The following IFNAR2 variants were observed in gnomAD, a reference collection of about 807,000 sequenced individuals.
The protein encoded by IFNAR2 is interferon alpha and beta receptor subunit 2, also known as interferon alpha/beta receptor 2.
Under a neutral mutation model 49.4 loss-of-function variants are expected in IFNAR2, and 30 were observed. The ratio of observed to expected loss-of-function variants is 0.61; its 90% CI spans 0.45 to 0.82. The LOEUF is 0.82. Among genes scored for constraint, IFNAR2 ranks in the 40% least tolerant of loss-of-function variants. IFNAR2 has a pLI of 0.00. For missense variants in IFNAR2, 600 were observed against 622.7 expected (o/e 0.96, Z 0.39); for synonymous variants, 224 against 234.5 (o/e 0.96, Z 0.41).
intron 6 of IFNAR2, among the ~76,000 whole-genome samples, chr21:33,250,472 T>C (rs1315585775): frequency 6.6e-6 from 1 of 152,176 alleles, no homozygotes; most frequent in African/African-American, 2.4e-5. Flanking sequence ...TGGTGGTGGC[T>C]TGGACCTTGA....
Position 33,230,159 on chromosome 21 carries a change from G to T in IFNAR2, c.-141G>T, listed in dbSNP as rs1985928573. On this transcript the variant is annotated 5_prime_UTR_variant, in exon 1 of 9. Transcript: ENST00000342136. The surrounding 1 kb of genome is among the most constrained non-coding windows in gnomAD (Gnocchi z 5.5). ...CGCGAGCGTCGGGTCCCAGAGCCGG[G>T]CGCGGCTGGGGCCCGAGGCTAGCAT... 2.0e-6 allele frequency: 2 copies of T among 999,612 alleles called. No homozygotes were observed. The highest frequency in any genetic ancestry group is 6.1e-5 in the Admixed American group (1 of 16,358). 61.9% of individuals were successfully genotyped at this position (999,612 alleles called of 1,614,324 possible).
At chr21:33,239,241 G>A (rs1403645466) in intron 1 of IFNAR2, among the ~76,000 whole-genome samples, 5 of 152,110 alleles carry the variant, frequency 3.3e-5, no homozygotes, top group East Asian at 3.9e-4. Context: ...TATGGCTTCT[G>A]GTTGTGTTCA....
Position 33,230,479 on chromosome 21 carries a change from C to A in IFNAR2, c.-84+263C>A, listed in dbSNP as rs1470810010. On this transcript the variant is annotated intron_variant, in intron 1 of 8. Coordinates refer to ENST00000342136, the MANE Select transcript of IFNAR2 (RefSeq NM_001289125.3). This position sits in a 1 kb window ranked among gnomAD's most constrained non-coding sequence, Gnocchi z 5.5. ...CCACGCGTCGCCCCTGCTGGGAGTC[C>A]GCTTTCGTTGCACCCCTCCGCGTCC... 1 of 470,204 alleles carries A rather than the reference C, an allele frequency of 2.1e-6. No homozygotes were observed. The highest frequency in any genetic ancestry group is 4.4e-6 in the Non-Finnish European group (1 of 226,846). 29.1% of individuals were successfully genotyped at this position (470,204 alleles called of 1,614,324 possible). A position where few individuals can be genotyped will look rare whatever the true frequency, so the allele number is the denominator to read the frequency against.
rs532054093 is a variant in IFNAR2 at position 33,246,649 on chromosome 21, G to T, written c.222-69G>T. 5.0e-6 allele frequency: 6 copies of T among 1,207,158 alleles called. No individual in the cohort carries two copies. In the East Asian group the frequency reaches 1.4e-4, roughly 29 times the overall value. 74.8% of individuals were successfully genotyped at this position (1,207,158 alleles called of 1,614,324 possible). ...GCCCTAAAGGAAACAATGAAGTAAG[G>T]CGCCCAAAAATAGACTCTCATTACA... is the stretch of plus-strand genomic sequence containing the variant. On this transcript the variant is annotated intron_variant, in intron 4 of 8. Coordinates refer to ENST00000342136, the MANE Select transcript of IFNAR2 (RefSeq NM_001289125.3).
At chr21:33,242,034 C>CT (rs1456068100) in intron 2 of IFNAR2, 57 bp downstream of exon 2, 4 of 1,529,160 alleles carry the variant, frequency 2.6e-6, no homozygotes, top group Non-Finnish European at 3.6e-6. Context: ...GCCATCCTCA[C>CT]TGAGAGCACT....
intron 1 of IFNAR2, among the ~76,000 whole-genome samples, chr21:33,235,159 AT>A: frequency 6.6e-6 from 1 of 152,308 alleles, no homozygotes; most frequent in Non-Finnish European, 1.5e-5. Flanking sequence ...TTTTGTCACC[AT>A]CTTGGTTTTG....
Position 33,230,284 on chromosome 21 carries a change from T to G in IFNAR2, c.-84+68T>G. Reference sequence around the variant, plus strand: ...AGCTGACTGGAGGGAAAACGCCGCCTCCCTGCAGCGGTTCCCGGAATCCCC... The same window carrying G: ...AGCTGACTGGAGGGAAAACGCCGCCGCCCTGCAGCGGTTCCCGGAATCCCC... On this transcript the variant is annotated intron_variant, in intron 1 of 8. Coordinates refer to ENST00000342136, the MANE Select transcript of IFNAR2 (RefSeq NM_001289125.3). This position sits in a 1 kb window ranked among gnomAD's most constrained non-coding sequence, Gnocchi z 5.5. The G allele has an allele frequency of 9.1e-7, 1 of 1,101,982 alleles. No homozygotes were observed. Among genetic ancestry groups the G allele is most frequent in the Non-Finnish European group, 1.1e-6 (1 of 891,388 alleles). The allele number at this position is 1,101,982 out of a possible 1,614,324, so 68.3% of individuals were successfully genotyped here. A position where few individuals can be genotyped will look rare whatever the true frequency, so the allele number is the denominator to read the frequency against.
chr21:33,243,838 G>A (rs1987183631), intron 3 of IFNAR2, 124 bp downstream of exon 3: 3 of 779,746 alleles, frequency 3.8e-6, no homozygotes, highest in East Asian at 5.0e-5. Context: ...TGTTTTATTG[G>A]GATTCTTTCT....
At chr21:33,238,337 A>G (rs865862700) in intron 1 of IFNAR2, among the ~76,000 whole-genome samples, 24 of 145,044 alleles carry the variant, frequency 1.7e-4, no homozygotes, top group Non-Finnish European at 3.1e-4. Context: ...AATTCTTCTT[A>G]CTCCTATGTC....
chr21:33,264,746 T>C lies in IFNAR2; in HGVS notation c.*1246T>C, dbSNP rs919790886. On this transcript the variant is annotated 3_prime_UTR_variant, in exon 9 of 9. Transcript: ENST00000342136. ...GCTCCTGCCGGTAACCCCAGCACTTTGGGATGCCTAAACAGGCGTATCGCT... is the reference window on the plus strand; with the variant it reads ...GCTCCTGCCGGTAACCCCAGCACTTCGGGATGCCTAAACAGGCGTATCGCT... 4 of 152,234 alleles carry C rather than the reference T, an allele frequency of 2.6e-5. No individual in the cohort carries two copies. Among genetic ancestry groups the C allele is most frequent in the Non-Finnish European group, 5.9e-5 (4 of 68,064 alleles). 9.4% of individuals were successfully genotyped at this position (152,234 alleles called of 1,614,324 possible).
At position 33,241,770 on chromosome 21, in the gene IFNAR2, G is replaced by C. The variant is rs1456052636; in HGVS notation, c.-83-70G>C. On this transcript the variant is annotated intron_variant, in intron 1 of 8. Transcript: ENST00000342136. The stretch of plus-strand genomic sequence containing the variant: ...GCTCACTTGAATAAATGGGGTAAAT[G>C]ACTAGGAATTTTACTATTCCTTACA... The C allele has an allele frequency of 2.7e-6, 3 of 1,115,914 alleles. No homozygotes were observed. In the East Asian group the frequency reaches 8.8e-5, roughly 33 times the overall value. 69.1% of individuals were successfully genotyped at this position (1,115,914 alleles called of 1,614,324 possible). A position where few individuals can be genotyped will look rare whatever the true frequency, so the allele number is the denominator to read the frequency against.
At chr21:33,252,341 T>G in intron 6 of IFNAR2, 1 of 665,924 alleles carries the variant, frequency 1.5e-6, no homozygotes, top group Non-Finnish European at 2.2e-6. Context: ...ACACTGTCCA[T>G]GAGAGAAGAT....
Position 33,252,685 on chromosome 21 carries a change from C to T in IFNAR2, c.564C>T (p.Asn188=). The stretch of plus-strand genomic sequence containing the variant: ...AGCATAAACCCGAAATAAAAGGAAA[C>T]ATGAGTGGAAATTTCACCTATATCA... ...VKKHKPEIKG[N]MSGNFTYIID... Residue 188 remains asparagine (N), a synonymous_variant, in exon 7 of 9, where the codon AAC becomes AAT. Coordinates refer to ENST00000342136, the MANE Select transcript of IFNAR2 (RefSeq NM_001289125.3). 1 of 1,613,398 alleles carries T rather than the reference C, an allele frequency of 6.2e-7. No homozygotes were observed. Among genetic ancestry groups the T allele is most frequent in the Non-Finnish European group, 8.5e-7 (1 of 1,179,786 alleles).
chr21:33,245,067 A>G lies in IFNAR2; in HGVS notation c.214A>G (p.Ile72Val). The G allele has an allele frequency of 6.2e-7, 1 of 1,607,274 alleles. No individual in the cohort carries two copies. Among genetic ancestry groups the G allele is most frequent in the Non-Finnish European group, 8.5e-7 (1 of 1,173,864 alleles). Residue 72 changes from isoleucine to valine, a missense_variant, in exon 4 of 9, where the codon ATC (isoleucine) becomes GTC (valine). Ile to Val is a conservative substitution (Grantham distance 29). Transcript: ENST00000342136. ...VPTHYTLLYT[I>V]MSKPEDLKVV... is the part of the protein sequence containing the mutation. ...AACTCACTATACATTGCTGTATACA[A>G]TCATGAGGTTGGTTTGATATTTCAT...
rs1185341820 is a variant in IFNAR2 at position 33,230,291 on chromosome 21, A to AGCGGTTCCCGGAATCCCCT, written c.-84+76_-84+94dup. On this transcript the variant is annotated intron_variant, in intron 1 of 8. Coordinates refer to ENST00000342136, the MANE Select transcript of IFNAR2 (RefSeq NM_001289125.3). This position sits in a 1 kb window ranked among gnomAD's most constrained non-coding sequence, Gnocchi z 5.5. ...TGGAGGGAAAACGCCGCCTCCCTGCAGCGGTTCCCGGAATCCCCTCCGGTT... is the reference window on the plus strand; with the variant it reads ...TGGAGGGAAAACGCCGCCTCCCTGCAGCGGTTCCCGGAATCCCCTGCGGTTCCCGGAATCCCCTCCGGTT... 9.1e-7 allele frequency: 1 copy of AGCGGTTCCCGGAATCCCCT among 1,103,824 alleles called. No individual in the cohort carries two copies. The highest frequency in any genetic ancestry group is 1.7e-5 in the African/African-American group (1 of 58,820). The allele number at this position is 1,103,824 out of a possible 1,614,324, so 68.4% of individuals were successfully genotyped here. A position where few individuals can be genotyped will look rare whatever the true frequency, so the allele number is the denominator to read the frequency against.
chr21:33,242,334 A>G (rs774160959), intron 2 of IFNAR2, among the ~76,000 whole-genome samples: 1 of 152,240 alleles, frequency 6.6e-6, no homozygotes, highest in Non-Finnish European at 1.5e-5. Context: ...CAACATGCTT[A>G]TTCATATTCT....
chr21:33,255,998 TTTA>T (rs1326700003), intron 7 of IFNAR2, among the ~76,000 whole-genome samples: 4 of 152,304 alleles, frequency 2.6e-5, no homozygotes, highest in South Asian at 4.1e-4. Flanking sequence ...ATATGTATAT[TTTA>T]TTATATCATT....
rs1987822125 is a variant in IFNAR2, at chr21:33,251,321, G to C, written c.541-1341G>C. 2.0e-5 allele frequency among the ~76,000 whole-genome samples: 3 copies of C among 152,216 alleles called. No homozygotes were observed. The South Asian group carries it at 6.2e-4, about 32-fold the overall frequency. The stretch of plus-strand genomic sequence containing the variant: ...GTGAAAGTGGTCTACTGAGTCCAGT[G>C]CTGTAAATGGGACAATTGAAGAGGA... On this transcript the variant is annotated intron_variant, in intron 6 of 8. Coordinates refer to ENST00000342136, the MANE Select transcript of IFNAR2 (RefSeq NM_001289125.3).
In IFNAR2 at chr21:33,249,258, C is replaced by T. The variant is rs563874884; in HGVS notation, c.540+404C>T. Among the ~76,000 whole-genome samples the T allele has an allele frequency of 1.3e-3, 194 of 149,546 alleles. 1 individual carries two copies. The highest frequency in any genetic ancestry group is 4.6e-3 in the African/African-American group (187 of 40,504). On this transcript the variant is annotated intron_variant, in intron 6 of 8. Coordinates refer to ENST00000342136, the MANE Select transcript of IFNAR2 (RefSeq NM_001289125.3). The stretch of plus-strand genomic sequence containing the variant: ...ACTCCGGAGGCTGAGGCAGGATAAT[C>T]GCTTGAACCTAGGAGGCAGAGGTTG...
Sources: allele counts gnomAD v4.1 joint callset (sites outside exome capture counted in the v4.1 genomes callset), GRCh38; gene constraint gnomAD v4.1.1; non-coding constraint Gnocchi (gnomAD v3.1); transcripts MANE v1.5; gene names NCBI Gene and HGNC (gene_info 2026-07-23, HGNC 2026-07-21).